KCNK2: variants seen among roughly 807,000 people sequenced by gnomAD.
The protein encoded by KCNK2 is potassium channel subfamily K member 2.
A neutral mutation model predicts 40.5 loss-of-function variants in KCNK2; 21 were observed. That is an observed-to-expected ratio of 0.52 (90% CI 0.37 to 0.75). The LOEUF is 0.75. Among genes scored for constraint, KCNK2 ranks in the 30% least tolerant of loss-of-function variants. KCNK2 has a pLI of 0.00. For synonymous variants in KCNK2, 191 were observed against 202.2 expected (o/e 0.94, Z 0.47); for missense variants, 399 against 531.6 (o/e 0.75, Z 2.45).
rs61818304 is a variant in KCNK2, at chr1:215,095,417, A to G, written c.357+8739A>G. 9.7e-3 allele frequency among the ~76,000 whole-genome samples: 1,474 copies of G among 152,256 alleles called. 23 individuals are homozygous for G. The highest frequency in any genetic ancestry group is 0.061 in the South Asian group (293 of 4,830). ...CATCTTCCTAGAGATACTTTGATAA[A>G]TCTTCTGTCTTGCTTTGTTAGGAAA... On this transcript the variant is annotated intron_variant, in intron 2 of 6. Coordinates refer to ENST00000444842, the MANE Select transcript of KCNK2 (RefSeq NM_001017425.3).
intron 5 of KCNK2, among the ~76,000 whole-genome samples, chr1:215,184,368 A>T (rs577742919): frequency 6.6e-6 from 1 of 152,334 alleles, no homozygotes; most frequent in South Asian, 2.1e-4. Flanking sequence ...AAATATAACT[A>T]ACAAGGCCTT....
intron 6 of KCNK2, among the ~76,000 whole-genome samples, chr1:215,219,614 G>A (rs532566322): frequency 1.3e-5 from 2 of 152,216 alleles, no homozygotes; most frequent in African/African-American, 2.4e-5. Context: ...GACAGAAGGT[G>A]CTGTCTGCTA....
At position 215,172,029 on chromosome 1, in the gene KCNK2, C is replaced by T. The variant is rs1237205796; in HGVS notation, c.669C>T (p.Ile223=). The change falls in exon 5 of 7, where the codon ATC becomes ATT. Residue 223 remains isoleucine (I), a synonymous_variant. Coordinates refer to ENST00000444842, the MANE Select transcript of KCNK2 (RefSeq NM_001017425.3). ...ATGTTAGTCAGACCAAGATTCGCAT[C>T]ATCTCAACAATCATATTTATACTAT... ...KWNVSQTKIR[I]ISTIIFILFG... 6.2e-6 allele frequency: 10 copies of T among 1,612,922 alleles called. No individual in the cohort carries two copies. Among genetic ancestry groups the T allele is most frequent in the Non-Finnish European group, 8.5e-6 (10 of 1,179,442 alleles).
chr1:215,016,510 C>T (rs116431613), intron 1 of KCNK2, among the ~76,000 whole-genome samples: 3,240 of 152,114 alleles, frequency 0.021, 105 homozygotes, highest in African/African-American at 0.074. Flanking sequence ...AGGAAAGGGC[C>T]AGTTACTTTA....
chr1:215,194,914 A>T (rs779432870), intron 5 of KCNK2, 39 bp from the exon 6 acceptor site: 3 of 1,600,718 alleles, frequency 1.9e-6, no homozygotes, highest in Non-Finnish European at 2.6e-6. Flanking sequence ...TACTTTTAAG[A>T]CTATGAAGTT....
intron 3 of KCNK2, among the ~76,000 whole-genome samples, chr1:215,151,489 G>T (rs1198567019): frequency 1.3e-5 from 2 of 151,850 alleles, no homozygotes; most frequent in Admixed American, 6.6e-5. Context: ...ATCATGTAAG[G>T]CAAATCTTTT....
At chr1:215,098,171 T>C (rs1660060167) in intron 2 of KCNK2, among the ~76,000 whole-genome samples, 1 of 151,636 alleles carries the variant, frequency 6.6e-6, no homozygotes, top group East Asian at 1.9e-4. Context: ...TTCTGCTTAG[T>C]TAAGACTTTG....
At chr1:215,080,302 A>C (rs141111709), upstream of KCNK2, among the ~76,000 whole-genome samples, 332 of 152,330 alleles carry the variant, frequency 2.2e-3, 1 homozygote, top group African/African-American at 7.8e-3. Context: ...TTTGCAGAAA[A>C]CTCGGAGGGG....
At chr1:215,230,092 T>TACAC (rs59050433) in intron 6 of KCNK2, among the ~76,000 whole-genome samples, 130 of 141,256 alleles carry the variant, frequency 9.2e-4, no homozygotes, top group African/African-American at 3.1e-3. Context: ...TGTGTGTGTA[T>TACAC]ACACACACAC....
intron 2 of KCNK2, among the ~76,000 whole-genome samples, chr1:215,113,289 C>T (rs1334071405): frequency 1.3e-5 from 2 of 152,030 alleles, no homozygotes; most frequent in Non-Finnish European, 2.9e-5. Context: ...TAAATGATAG[C>T]TATATGCAAG....
intron 3 of KCNK2, among the ~76,000 whole-genome samples, chr1:215,146,478 GT>G (rs1006665174): frequency 2.4e-4 from 37 of 152,292 alleles, no homozygotes; most frequent in African/African-American, 8.7e-4. Context: ...AGGCGCGGTT[GT>G]TTCTGGGCCA....
At chr1:215,209,417 TATATAATATATATA>T (rs1665493294) in intron 6 of KCNK2, among the ~76,000 whole-genome samples, 2 of 47,682 alleles carry the variant, frequency 4.2e-5, no homozygotes, top group South Asian at 1.9e-3. Context: ...GCATATATTA[TATATAATATATATA>T]ATATAAAATA....
intron 1 of KCNK2, among the ~76,000 whole-genome samples, chr1:215,056,679 C>T (rs1430408937): frequency 9.0e-5 from 12 of 134,036 alleles, no homozygotes; most frequent in African/African-American, 2.8e-4. Context: ...TGGTTTTGCA[C>T]TCCTGGACTC....
At chr1:215,209,468 A>ATGTATT (rs1665512665) in intron 6 of KCNK2, among the ~76,000 whole-genome samples, 1 of 14,400 alleles carries the variant, frequency 6.9e-5, no homozygotes, top group Non-Finnish European at 2.0e-4. Context: ...TATTATATAT[A>ATGTATT]ATATATATTA....
rs535880204 is a variant in KCNK2 at position 215,059,110 on chromosome 1, CAT to C, written c.35-27256_35-27255del. Among the ~76,000 whole-genome samples, 438 of 150,670 alleles carry C rather than the reference CAT, an allele frequency of 2.9e-3. 1 individual carries two copies. Among genetic ancestry groups the C allele is most frequent in the African/African-American group, 0.01 (414 of 40,824 alleles). On this transcript the variant is annotated intron_variant, in intron 1 of 6. Transcript: ENST00000391895. Reference sequence around the variant, plus strand: ...ATATTCGTGTATATATATACACACACATACATATATATATTCGTGTATATATA... The same window carrying C: ...ATATTCGTGTATATATATACACACACACATATATATATTCGTGTATATATA...
intron 3 of KCNK2, among the ~76,000 whole-genome samples, chr1:215,131,596 G>A (rs1661685349): frequency 6.7e-6 from 1 of 150,192 alleles, no homozygotes; most frequent in South Asian, 2.1e-4. Flanking sequence ...ATTCTCCAGT[G>A]GAAAGTAAAC....
chr1:215,048,024 G>A (rs537869528), intron 1 of KCNK2, among the ~76,000 whole-genome samples: 7 of 152,236 alleles, frequency 4.6e-5, no homozygotes, highest in Middle Eastern at 3.4e-3. Flanking sequence ...ATGGAGTAAC[G>A]TCAGTGAACA....
At chr1:215,038,159 G>T (rs948401915) in intron 1 of KCNK2, among the ~76,000 whole-genome samples, 1 of 151,956 alleles carries the variant, frequency 6.6e-6, no homozygotes, top group African/African-American at 2.4e-5. Context: ...AGAGATTAGA[G>T]ACCCTGAATC....
chr1:215,107,841 A>G (rs1660502057), intron 2 of KCNK2, among the ~76,000 whole-genome samples: 1 of 152,194 alleles, frequency 6.6e-6, no homozygotes, highest in African/African-American at 2.4e-5. Flanking sequence ...ACAATAGTAC[A>G]GCAATAAAAA....
Sources: allele counts gnomAD v4.1 joint callset (sites outside exome capture counted in the v4.1 genomes callset), GRCh38; gene constraint gnomAD v4.1.1; transcripts MANE v1.5; gene names NCBI Gene and HGNC (gene_info 2026-07-23, HGNC 2026-07-21).